Variants in ZDHHC11 observed in about 807,000 individuals in gnomAD.
ZDHHC11 encodes palmitoyltransferase ZDHHC11.
A neutral mutation model predicts 51.3 loss-of-function variants in ZDHHC11; 44 were observed. The ratio of observed to expected loss-of-function variants is 0.86; its 90% CI spans 0.67 to 1.10. The LOEUF (loss-of-function observed/expected upper bound fraction) is 1.10. ZDHHC11 is among the 50% of genes least tolerant of loss of function. The pLI is 0.00. For synonymous variants in ZDHHC11, 163 were observed against 222.0 expected, an observed-to-expected ratio of 0.73 and a Z score of 2.36; for missense variants, 400 against 537.7, an observed-to-expected ratio of 0.74 and a Z score of 2.53.
chr5:836,337 A>C (rs1000100803), intron 6 of ZDHHC11, among the ~76,000 whole-genome samples: 2 of 150,254 alleles, frequency 1.3e-5, no homozygotes, highest in African/African-American at 4.9e-5. Flanking sequence ...CTAGGCCTTA[A>C]GCCACTGCTT....
Position 818,068 on chromosome 5 carries a change from G to A in ZDHHC11, c.1146+1457C>T, listed in dbSNP as rs1298793001. 7.9e-5 allele frequency among the ~76,000 whole-genome samples: 12 copies of A among 151,314 alleles called. 1 individual carries two copies. The highest frequency in any genetic ancestry group is 6.3e-4 in the South Asian group (3 of 4,790). Reference sequence around the variant, plus strand: ...TTCATAGGATTGTCCTGGAGCCCACGGAGACGCGGGCTTGGGATCCAACGT... The same window carrying A: ...TTCATAGGATTGTCCTGGAGCCCACAGAGACGCGGGCTTGGGATCCAACGT... On this transcript the variant is annotated intron_variant, in intron 10 of 12. Transcript: ENST00000283441.
At position 798,103 on chromosome 5, in the gene ZDHHC11, T is replaced by A. The variant is rs548198976; in HGVS notation, c.*8-1523A>T. 9.8e-3 allele frequency among the ~76,000 whole-genome samples: 1,455 copies of A among 147,790 alleles called. 25 individuals carry two copies. The highest frequency in any genetic ancestry group is 0.016 in the Non-Finnish European group (1,090 of 67,338). ...TTTGCGGGTAGAGAAGTGAGTTGCC[T>A]CTAGTTTGCCACTGCAATGAGGGTA... On this transcript the variant is annotated intron_variant, in intron 12 of 12. Transcript: ENST00000283441.
upstream of ZDHHC11, among the ~76,000 whole-genome samples, chr5:852,837 G>A (rs1335986072): frequency 1.2e-3 from 131 of 112,698 alleles, no homozygotes; most frequent in South Asian, 2.2e-3. Context: ...ACAGCGAGCC[G>A]GGGGTACAGA....
intron 4 of ZDHHC11, 42 bp from the exon 5 acceptor site, chr5:840,692 A>C (rs373080327): frequency 1.6e-5 from 26 of 1,611,070 alleles, no homozygotes; most frequent in Non-Finnish European, 2.0e-5. Context: ...GCACCTGCTG[A>C]CGGGTGCCAC....
intron 8 of ZDHHC11, among the ~76,000 whole-genome samples, chr5:823,081 T>G (rs57482749): frequency 0.035 from 4,989 of 141,458 alleles, 359 homozygotes; most frequent in African/African-American, 0.13. Context: ...GCCTGTGGCT[T>G]ATATTTTCAT....
rs553964249 is a variant in ZDHHC11 at position 818,512 on chromosome 5, A to G, written c.1146+1013T>C. ...GGCGGCCCTGCCCCAACAGGGAAGG[A>G]GAAGACACCTGTAACCTCCAGAAGC... On this transcript the variant is annotated intron_variant, in intron 10 of 12. Coordinates refer to ENST00000283441, the MANE Select transcript of ZDHHC11 (RefSeq NM_024786.3). Among the ~76,000 whole-genome samples, 4 of 151,730 alleles carry G rather than the reference A, an allele frequency of 2.6e-5. No individual in the cohort carries two copies. In the East Asian group the frequency reaches 7.7e-4, roughly 29 times the overall value.
chr5:829,475 TAATAAC>T (rs1293672644), intron 7 of ZDHHC11, among the ~76,000 whole-genome samples: 1 of 152,000 alleles, frequency 6.6e-6, no homozygotes, highest in East Asian at 1.9e-4. Flanking sequence ...CTTAACAGAC[TAATAAC>T]AAGTAGCGAG....
In ZDHHC11 at chr5:816,970, A is replaced by T. The variant is rs752385364; in HGVS notation, c.1147-2175T>A. The T allele has an allele frequency of 4.1e-5, 11 of 265,770 alleles. 1 individual carries two copies. Among genetic ancestry groups the T allele is most frequent in the African/African-American group, 1.3e-4 (6 of 44,736 alleles). 16.5% of individuals were successfully genotyped at this position (265,770 alleles called of 1,614,324 possible). A position where few individuals can be genotyped will look rare whatever the true frequency, so the allele number is the denominator to read the frequency against. On this transcript the variant is annotated intron_variant, in intron 10 of 12. Coordinates refer to ENST00000283441, the MANE Select transcript of ZDHHC11 (RefSeq NM_024786.3). Reference sequence around the variant, plus strand: ...GAGCCTGAAATGTCCAGGCTCCCTGACACTCTCCCCATGGGAAGAAACATC... The same window carrying T: ...GAGCCTGAAATGTCCAGGCTCCCTGTCACTCTCCCCATGGGAAGAAACATC...
chr5:815,355 C>T (rs1343227188), intron 10 of ZDHHC11, among the ~76,000 whole-genome samples: 1 of 147,202 alleles, frequency 6.8e-6, no homozygotes, highest in Admixed American at 7.0e-5. Context: ...CAAAGAAAAA[C>T]ACCTGCTATG....
chr5:823,906 G>A (rs1384670483), intron 8 of ZDHHC11: 1 of 378,652 alleles, frequency 2.6e-6, no homozygotes, highest in African/African-American at 2.1e-5. Flanking sequence ...GCTGAGTCTG[G>A]GCCAGGGTGG....
chr5:798,912 A>C (rs1473249849), intron 12 of ZDHHC11, among the ~76,000 whole-genome samples: 1 of 152,196 alleles, frequency 6.6e-6, no homozygotes, highest in East Asian at 1.9e-4. Context: ...AATGATAAAG[A>C]ATGTGACCTG....
chr5:799,949 T>C (rs375752959), intron 12 of ZDHHC11, among the ~76,000 whole-genome samples: 9 of 151,528 alleles, frequency 5.9e-5, no homozygotes, highest in South Asian at 2.1e-4. Context: ...ATGAAGACCC[T>C]GTGCTATGCA....
intron 1 of ZDHHC11, among the ~76,000 whole-genome samples, chr5:850,017 G>A (rs1318778483): frequency 2.0e-5 from 3 of 152,236 alleles, no homozygotes; most frequent in Admixed American, 6.5e-5. Flanking sequence ...GCATGGCGCT[G>A]TTCCTCCTTG....
At position 844,659 on chromosome 5, in the gene ZDHHC11, G is replaced by C. The variant is rs1319491486; in HGVS notation, c.504-935C>G. ...CCGTGGCACCCAGGAGGGCCTGCAG[G>C]CTCAGGGACCTGGATCTCTGCACCC... On this transcript the variant is annotated intron_variant, in intron 3 of 12. Transcript: ENST00000283441. Among the ~76,000 whole-genome samples the C allele has an allele frequency of 2.0e-5, 3 of 152,426 alleles. No homozygotes were observed. In the East Asian group the frequency reaches 5.8e-4, roughly 29 times the overall value.
chr5:825,232 G>A lies in ZDHHC11; in HGVS notation c.955C>T (p.Leu319=), dbSNP rs1457944936. 6.2e-7 allele frequency: 1 copy of A among 1,612,748 alleles called. No homozygotes were observed. The highest frequency in any genetic ancestry group is 1.3e-5 in the African/African-American group (1 of 74,920). The change falls in exon 8 of 13, where the codon CTG becomes TTG. Residue 319 remains leucine, a synonymous_variant. Coordinates refer to ENST00000283441, the MANE Select transcript of ZDHHC11 (RefSeq NM_024786.3). ...TGACATAAGTGCTTGTGAATCAGCA[G>A]GGAGCTCTTGGCTTTGACTCTGGTG... is the stretch of plus-strand genomic sequence containing the variant. ...SAQGVKAKSS[L]LIHKHLCHFC...
intron 9 of ZDHHC11, among the ~76,000 whole-genome samples, 175 bp downstream of exon 9, chr5:821,686 A>T (rs1322211343): frequency 2.6e-5 from 4 of 151,444 alleles, no homozygotes; most frequent in African/African-American, 7.3e-5. Flanking sequence ...GGCTGCTGTG[A>T]TTCCACAGGA....
At chr5:797,486 G>C (rs1377462325) in intron 12 of ZDHHC11, among the ~76,000 whole-genome samples, 1 of 150,848 alleles carries the variant, frequency 6.6e-6, no homozygotes, top group South Asian at 2.1e-4. Flanking sequence ...TTGCGTTTCT[G>C]TCACTTTGTA....
intron 1 of ZDHHC11, among the ~76,000 whole-genome samples, chr5:850,078 G>A (rs1259374216): frequency 6.6e-6 from 1 of 152,260 alleles, no homozygotes; most frequent in Admixed American, 6.5e-5. Flanking sequence ...TGCTGCGCAG[G>A]GATTTTAGCG....
At chr5:842,545 C>G (rs1430317026) in intron 4 of ZDHHC11, 1 of 985,944 alleles carries the variant, frequency 1.0e-6, no homozygotes, top group Non-Finnish European at 1.2e-6. Context: ...CAGGCAAGTC[C>G]TCCCTGTCTC....
Sources: gnomAD v4.1 joint callset for allele counts (sites outside exome capture counted in the v4.1 genomes callset) on GRCh38, gnomAD v4.1.1 for gene constraint, MANE v1.5 for transcripts, NCBI Gene and HGNC (gene_info 2026-07-23, HGNC 2026-07-21) for gene names.